The following NBAS variants were observed in gnomAD, a reference collection of about 807,000 sequenced individuals.
NBAS encodes NBAS subunit of NRZ tethering complex.
NBAS carries 219 observed loss-of-function variants against 302.5 expected under a neutral mutation model. The observed-to-expected ratio is 0.72, with a 90% confidence interval of 0.65 to 0.81. The LOEUF (loss-of-function observed/expected upper bound fraction) is 0.81. Ranked by LOEUF, NBAS falls within the 30% of genes least tolerant of loss-of-function variation. NBAS has a pLI of 0.00. For missense variants in NBAS, 2,932 were observed against 2,841.6 expected (o/e 1.03, Z -0.72); for synonymous variants, 1,118 against 1,021.6 (o/e 1.09, Z -1.80).
At chr2:15,508,835 C>T (rs1662000574) in intron 10 of NBAS, among the ~76,000 whole-genome samples, 1 of 152,124 alleles carries the variant, frequency 6.6e-6, no homozygotes, top group Admixed American at 6.5e-5. Flanking sequence ...GAAATCCCTT[C>T]TCTACTAAAA....
At chr2:15,549,188 G>T (rs1301332971) in intron 6 of NBAS, among the ~76,000 whole-genome samples, 1 of 152,018 alleles carries the variant, frequency 6.6e-6, no homozygotes, top group East Asian at 1.9e-4. Flanking sequence ...TAATGAAACT[G>T]GGGCTCAGAG....
At chr2:15,192,453 T>C (rs1665405740) in intron 48 of NBAS, among the ~76,000 whole-genome samples, 1 of 152,122 alleles carries the variant, frequency 6.6e-6, no homozygotes, top group Admixed American at 6.5e-5. Flanking sequence ...CTGGTTTCAT[T>C]ATTAGAGATT....
At chr2:14,914,159 A>G in the NBAS span, among the ~76,000 whole-genome samples, 6 of 152,302 alleles carry the variant, frequency 3.9e-5, no homozygotes, top group South Asian at 2.1e-4. Context: ...AACTGTCCCC[A>G]TGATTCAATT....
intron 21 of NBAS, among the ~76,000 whole-genome samples, chr2:15,437,030 G>A (rs376650451): frequency 1.3e-5 from 2 of 152,094 alleles, no homozygotes; most frequent in African/African-American, 2.4e-5. Context: ...CAAAAGATTC[G>A]GAACATGTAC....
intron 12 of NBAS, among the ~76,000 whole-genome samples, chr2:15,486,819 T>C (rs1680647508): frequency 2.0e-5 from 3 of 151,994 alleles, no homozygotes; most frequent in Non-Finnish European, 4.4e-5. Context: ...TATTATAGCA[T>C]TGACTGGCAA....
chr2:14,929,614 A>T, the NBAS span, among the ~76,000 whole-genome samples: 1 of 152,018 alleles, frequency 6.6e-6, no homozygotes, highest in Non-Finnish European at 1.5e-5. Context: ...CTGACCTCAG[A>T]TGATCTGCCT....
intron 25 of NBAS, 33 bp from the exon 26 acceptor site, chr2:15,402,334 C>G (rs772881349): frequency 1.2e-6 from 2 of 1,610,086 alleles, no homozygotes; most frequent in Non-Finnish European, 1.7e-6. Context: ...TACTAAATGT[C>G]AACAGATTTA....
chr2:14,838,274 G>C, the NBAS span, among the ~76,000 whole-genome samples: 1 of 151,554 alleles, frequency 6.6e-6, no homozygotes, highest in East Asian at 1.9e-4. Flanking sequence ...TTTCCATTAT[G>C]CTCTATTCTA....
intron 19 of NBAS, among the ~76,000 whole-genome samples, chr2:15,464,105 G>C (rs1369051490): frequency 6.6e-6 from 1 of 152,090 alleles, no homozygotes; most frequent in Non-Finnish European, 1.5e-5. Flanking sequence ...CTACTTCTTT[G>C]ACTGACTGAA....
chr2:15,049,349 C>T, the NBAS span, among the ~76,000 whole-genome samples: 1 of 152,306 alleles, frequency 6.6e-6, no homozygotes, highest in African/African-American at 2.4e-5. Flanking sequence ...GGGCTGCCTC[C>T]TCTCATTTGT....
intron 38 of NBAS, among the ~76,000 whole-genome samples, chr2:15,326,441 C>A (rs942387046): frequency 6.6e-6 from 1 of 152,228 alleles, no homozygotes; most frequent in African/African-American, 2.4e-5. Context: ...AATAGGTCCA[C>A]ATCCAACCTA....
At chr2:14,787,094 T>A in the NBAS span, among the ~76,000 whole-genome samples, 6 of 152,334 alleles carry the variant, frequency 3.9e-5, no homozygotes, top group East Asian at 1.2e-3. Flanking sequence ...TTTGTCTCTT[T>A]TGATCTTTGT....
At chr2:15,144,312 C>A in the NBAS span, among the ~76,000 whole-genome samples, 1 of 151,970 alleles carries the variant, frequency 6.6e-6, no homozygotes, top group Non-Finnish European at 1.5e-5. Flanking sequence ...AATTTCCAGG[C>A]TCAACCCAGG....
At chr2:15,131,021 A>C in the NBAS span, among the ~76,000 whole-genome samples, 1 of 152,224 alleles carries the variant, frequency 6.6e-6, no homozygotes, top group Non-Finnish European at 1.5e-5. Flanking sequence ...CATGCATATG[A>C]ATAAATACAT....
intron 51 of NBAS, among the ~76,000 whole-genome samples, chr2:15,172,838 A>G (rs1163447014): frequency 6.6e-6 from 1 of 152,260 alleles, no homozygotes; most frequent in Non-Finnish European, 1.5e-5. Context: ...TATGAAAAGA[A>G]GACAGGCTTT....
At chr2:15,470,831 G>A (rs1056646787) in intron 16 of NBAS, among the ~76,000 whole-genome samples, 1 of 152,014 alleles carries the variant, frequency 6.6e-6, no homozygotes, top group Non-Finnish European at 1.5e-5. Context: ...GTGGTGTTGT[G>A]TGCCTGTAGT....
In NBAS at chr2:15,417,696, G is replaced by A. The variant is rs764612208; in HGVS notation, c.2594C>T (p.Ser865Leu). Reference protein sequence around the residue: ...HYARQVDCALSLIRLGMERNI... With the variant: ...HYARQVDCALLLIRLGMERNI... Reference sequence around the variant, plus strand: ...CCGCTCCATCCCAAGTCGAATAAGTGACAATGCACAGTCCACCTAAAATTG... The same window carrying A: ...CCGCTCCATCCCAAGTCGAATAAGTAACAATGCACAGTCCACCTAAAATTG... The change falls in exon 24 of 52, where the codon TCA (serine) becomes TTA (leucine). Residue 865 changes from serine (S) to leucine (L), a missense_variant. By Grantham distance (145) the Ser-to-Leu change is moderately radical (BLOSUM62 -2). Coordinates refer to ENST00000281513, the MANE Select transcript of NBAS (RefSeq NM_015909.4). The A allele has an allele frequency of 5.0e-6, 8 of 1,613,812 alleles. No individual in the cohort carries two copies. Among genetic ancestry groups the A allele is most frequent in the Non-Finnish European group, 5.1e-6 (6 of 1,179,860 alleles).
chr2:15,199,295 G>C (rs1454272665), intron 48 of NBAS, among the ~76,000 whole-genome samples: 1 of 152,098 alleles, frequency 6.6e-6, no homozygotes, highest in Admixed American at 6.6e-5. Context: ...CTGAAGTTGT[G>C]AGAACATGTG....
the NBAS span, among the ~76,000 whole-genome samples, chr2:14,904,647 A>C: frequency 3.6e-4 from 54 of 150,360 alleles, 2 homozygotes; most frequent in Admixed American, 3.4e-3. Flanking sequence ...GTCAGCTGTG[A>C]CTCAGTATGA....
Sources: gnomAD v4.1 joint callset for allele counts (sites outside exome capture counted in the v4.1 genomes callset) on GRCh38, gnomAD v4.1.1 for gene constraint, MANE v1.5 for transcripts, NCBI Gene and HGNC (gene_info 2026-07-23, HGNC 2026-07-21) for gene names.